Variants in PIK3R5 observed in about 807,000 individuals in gnomAD.
PIK3R5 encodes phosphoinositide 3-kinase regulatory subunit 5.
In PIK3R5, 32 loss-of-function variants were observed where a neutral mutation model predicts 94.9. That is an observed-to-expected ratio of 0.34 (90% confidence interval 0.25 to 0.45). The LOEUF is 0.45. Ranked by LOEUF, PIK3R5 falls within the 20% of genes least tolerant of loss-of-function variation. The probability of loss-of-function intolerance (pLI) is 1.00; values close to 1 mark genes in which losing one functional copy is unlikely to be tolerated. For synonymous variants in PIK3R5, 443 were observed against 479.4 expected (o/e 0.92, Z 0.99); for missense variants, 853 against 1,144.6 (o/e 0.75, Z 3.68).
rs2091055124 is a variant in PIK3R5 at position 8,935,422 on chromosome 17, G to C, written c.-13-23915C>G. Among the ~76,000 whole-genome samples, 1 of 152,120 alleles carries C rather than the reference G, an allele frequency of 6.6e-6. No homozygotes were observed. The highest frequency in any genetic ancestry group is 2.1e-4 in the South Asian group (1 of 4,830). Reference sequence around the variant, plus strand: ...ACGTCCCAGTGAGTCAGTCTTCAGAGGTGTTGAACGAGTCGTTTTTGGCCA... The same window carrying C: ...ACGTCCCAGTGAGTCAGTCTTCAGACGTGTTGAACGAGTCGTTTTTGGCCA... On this transcript the variant is annotated intron_variant, in intron 1 of 18. Transcript: ENST00000447110. This position sits in a 1 kb window ranked among gnomAD's most constrained non-coding sequence, Gnocchi z 4.5.
chr17:8,948,075 A>C (rs1486792042), intron 1 of PIK3R5, among the ~76,000 whole-genome samples: 1 of 151,154 alleles, frequency 6.6e-6, no homozygotes, highest in East Asian at 1.9e-4. Context: ...AAGAAAAGAA[A>C]AGAAAAGAAA....
At position 8,890,663 on chromosome 17, in the gene PIK3R5, C is replaced by A; in HGVS notation, c.657+75G>T. On this transcript the variant is annotated intron_variant, in intron 7 of 18. Coordinates refer to ENST00000447110, the MANE Select transcript of PIK3R5 (RefSeq NM_001142633.3). This position sits in a 1 kb window ranked among gnomAD's most constrained non-coding sequence, Gnocchi z 6.1. Reference sequence around the variant, plus strand: ...ACTAAGTGTACCCTGGAGACCGTGGCTGAGATGAAGCAGGGAGAGGGTGCT... The same window carrying A: ...ACTAAGTGTACCCTGGAGACCGTGGATGAGATGAAGCAGGGAGAGGGTGCT... 2 of 1,324,026 alleles carry A rather than the reference C, an allele frequency of 1.5e-6. No individual in the cohort carries two copies. The highest frequency in any genetic ancestry group is 1.4e-5 in the South Asian group (1 of 73,806). The allele number at this position is 1,324,026 out of a possible 1,614,324, so 82.0% of individuals were successfully genotyped here.
Position 8,950,377 on chromosome 17 carries a change from G to A in PIK3R5, c.-14+15219C>T, listed in dbSNP as rs532146488. The stretch of plus-strand genomic sequence containing the variant: ...TTATGTTAGATACAGGTGCAGGTTT[G>A]TTATATGGGTATATTGCATCCAGGT... On this transcript the variant is annotated intron_variant, in intron 1 of 18. Transcript: ENST00000447110. Among the ~76,000 whole-genome samples the A allele has an allele frequency of 5.3e-5, 8 of 152,166 alleles. No homozygotes were observed. The South Asian group carries it at 1.5e-3, about 28-fold the overall frequency.
rs2089945541 is a variant in PIK3R5, at chr17:8,888,677, G to T, written c.1110C>A (p.Ala370=). The T allele has an allele frequency of 6.2e-7, 1 of 1,613,948 alleles. No individual in the cohort carries two copies. Residue 370 remains alanine, a synonymous_variant, in exon 10 of 19, where the codon GCC becomes GCA. Transcript: ENST00000447110. The surrounding 1 kb of genome is among the most constrained non-coding windows in gnomAD (Gnocchi z 7.8). ...SLASSQASGP[A]LSRHLLTSFV... The stretch of plus-strand genomic sequence containing the variant: ...AGGAAGTCAGCAGATGGCGCGAGAG[G>T]GCCGGCCCCGAGGCCTGGGAGGATG...
At chr17:8,908,641 C>A (rs544402018) in intron 3 of PIK3R5, among the ~76,000 whole-genome samples, 2 of 151,350 alleles carry the variant, frequency 1.3e-5, no homozygotes, top group East Asian at 3.9e-4. Context: ...ATTCTGGAAC[C>A]CAAGCCCAGC....
chr17:8,886,695 A>T, intron 12 of PIK3R5, 90 bp from the exon 13 acceptor site: 1 of 1,415,538 alleles, frequency 7.1e-7, no homozygotes, highest in Non-Finnish European at 9.6e-7. Flanking sequence ...GAGAGAAGAG[A>T]GACATAGAGG....
rs933273383 is a variant in PIK3R5 at position 8,935,476 on chromosome 17, A to G, written c.-13-23969T>C. 6.6e-5 allele frequency among the ~76,000 whole-genome samples: 10 copies of G among 152,130 alleles called. No homozygotes were observed. Among genetic ancestry groups the G allele is most frequent in the Admixed American group, 3.3e-4 (5 of 15,276 alleles). The stretch of plus-strand genomic sequence containing the variant: ...ACAGTGTGGGCAGGTTGCCTGGGAG[A>G]CCTGCTTCCTTCCTTGTTTCCTCTG... On this transcript the variant is annotated intron_variant, in intron 1 of 18. Transcript: ENST00000447110. The surrounding 1 kb of genome is among the most constrained non-coding windows in gnomAD (Gnocchi z 4.5).
chr17:8,946,451 C>T (rs2091271939), intron 1 of PIK3R5, among the ~76,000 whole-genome samples: 1 of 151,784 alleles, frequency 6.6e-6, no homozygotes, highest in Non-Finnish European at 1.5e-5. Context: ...GTCTGCCAGG[C>T]ACCTAAGAAA....
At position 8,904,814 on chromosome 17, in the gene PIK3R5, C is replaced by A; in HGVS notation, c.375G>T (p.Glu125Asp). 6.2e-7 allele frequency: 1 copy of A among 1,614,188 alleles called. No individual in the cohort carries two copies. Among genetic ancestry groups the A allele is most frequent in the African/African-American group, 1.3e-5 (1 of 75,050 alleles). Residue 125 changes from glutamate (E) to aspartate (D), a missense_variant, in exon 5 of 19, where the codon GAG (glutamate) becomes GAT (aspartate). Physicochemically the swap from Glu to Asp is conservative, Grantham distance 45. This residue lies in a region of PIK3R5 where 108 missense variants were observed against 170.1 expected (regional missense o/e 0.63). Coordinates refer to ENST00000447110, the MANE Select transcript of PIK3R5 (RefSeq NM_001142633.3). The surrounding 1 kb of genome is among the most constrained non-coding windows in gnomAD (Gnocchi z 5.1). ...WPVPYCSICQELLTFIDAELK... is the reference protein window; with the variant it reads ...WPVPYCSICQDLLTFIDAELK... ...GTTCAGCATCAATGAAGGTGAGCAG[C>A]TCCTGGCAGATGCTGCAGTAAGGAA...
rs2090844438 is a variant in PIK3R5, at chr17:8,925,025, T to C, written c.-13-13518A>G. Among the ~76,000 whole-genome samples, 1 of 152,104 alleles carries C rather than the reference T, an allele frequency of 6.6e-6. No homozygotes were observed. Among genetic ancestry groups the C allele is most frequent in the Non-Finnish European group, 1.5e-5 (1 of 68,036 alleles). On this transcript the variant is annotated intron_variant, in intron 1 of 18. Transcript: ENST00000447110. This position sits in a 1 kb window ranked among gnomAD's most constrained non-coding sequence, Gnocchi z 5.1. ...GATAGTTAGATAGTAGATGGATAGA[T>C]AGATAGATAGTAGATGAATAGATAG...
rs2090047376 is a variant in PIK3R5 at position 8,892,313 on chromosome 17, G to T, written c.482+1273C>A. Among the ~76,000 whole-genome samples, 1 of 152,126 alleles carries T rather than the reference G, an allele frequency of 6.6e-6. No homozygotes were observed. The highest frequency in any genetic ancestry group is 1.5e-5 in the Non-Finnish European group (1 of 68,024). On this transcript the variant is annotated intron_variant, in intron 6 of 18. Coordinates refer to ENST00000447110, the MANE Select transcript of PIK3R5 (RefSeq NM_001142633.3). The surrounding 1 kb of genome is among the most constrained non-coding windows in gnomAD (Gnocchi z 4.3). ...AAAAGGAGGTGGGCTTGTATAAGCA[G>T]CCCCTTACAACCTTGTAACGAGCCC...
rs770194480 is a variant in PIK3R5 at position 8,881,585 on chromosome 17, G to GTAAT, written c.2382+44_2382+45insATTA. ...CACACATACGCACATGCACGCTCCA[G>GTAAT]TAAGTCTCTTGAGGGTATGGCTGGA... On this transcript the variant is annotated intron_variant, in intron 17 of 18. Transcript: ENST00000447110. The surrounding 1 kb of genome is among the most constrained non-coding windows in gnomAD (Gnocchi z 4.8). 9 of 1,512,024 alleles carry GTAAT rather than the reference G, an allele frequency of 6.0e-6. 1 individual carries two copies. The African/African-American group carries it at 1.1e-4, about 18-fold the overall frequency. The allele number at this position is 1,512,024 out of a possible 1,614,324, so 93.7% of individuals were successfully genotyped here.
intron 1 of PIK3R5, among the ~76,000 whole-genome samples, chr17:8,937,168 G>A (rs2091091797): frequency 6.6e-6 from 1 of 152,038 alleles, no homozygotes; most frequent in Non-Finnish European, 1.5e-5. Context: ...TTGATTCTTT[G>A]GGATTTTATA....
In PIK3R5 at chr17:8,935,579, C is replaced by T. The variant is rs1340463009; in HGVS notation, c.-13-24072G>A. Among the ~76,000 whole-genome samples, 1 of 152,156 alleles carries T rather than the reference C, an allele frequency of 6.6e-6. No individual in the cohort carries two copies. Among genetic ancestry groups the T allele is most frequent in the African/African-American group, 2.4e-5 (1 of 41,430 alleles). On this transcript the variant is annotated intron_variant, in intron 1 of 18. Coordinates refer to ENST00000447110, the MANE Select transcript of PIK3R5 (RefSeq NM_001142633.3). The surrounding 1 kb of genome is among the most constrained non-coding windows in gnomAD (Gnocchi z 4.5). ...TTCCTAAGACCTCAGAGTACAAATA[C>T]AGGATAATTTATATTTCTATTAATT...
intron 1 of PIK3R5, among the ~76,000 whole-genome samples, chr17:8,961,874 C>T (rs1020932425): frequency 6.6e-6 from 1 of 152,164 alleles, no homozygotes; most frequent in Non-Finnish European, 1.5e-5. Context: ...CCCCCAACCC[C>T]CTTTTGGGTG....
At position 8,881,617 on chromosome 17, in the gene PIK3R5, G is replaced by A. The variant is rs751182650; in HGVS notation, c.2382+13C>T. On this transcript the variant is annotated intron_variant, in intron 17 of 18. Transcript: ENST00000447110. The surrounding 1 kb of genome is among the most constrained non-coding windows in gnomAD (Gnocchi z 4.8). ...TCTTGAGGGTATGGCTGGAAGGAGA[G>A]GGAAGCCCGTACCTGGTTAAAGCCC... 9 of 1,604,504 alleles carry A rather than the reference G, an allele frequency of 5.6e-6. No homozygotes were observed. Among genetic ancestry groups the A allele is most frequent in the Non-Finnish European group, 6.0e-6 (7 of 1,173,888 alleles).
In PIK3R5 at chr17:8,890,527, G is replaced by C. The variant is rs1348582136; in HGVS notation, c.657+211C>G. Among the ~76,000 whole-genome samples the C allele has an allele frequency of 6.6e-6, 1 of 152,208 alleles. No individual in the cohort carries two copies. Among genetic ancestry groups the C allele is most frequent in the African/African-American group, 2.4e-5 (1 of 41,446 alleles). ...CTGAGGCACCAGTTATCAGCACCCAGTCCTACTGCCCAGGCTGCCACCCAG... is the reference window on the plus strand; with the variant it reads ...CTGAGGCACCAGTTATCAGCACCCACTCCTACTGCCCAGGCTGCCACCCAG... On this transcript the variant is annotated intron_variant, in intron 7 of 18. Coordinates refer to ENST00000447110, the MANE Select transcript of PIK3R5 (RefSeq NM_001142633.3). The surrounding 1 kb of genome is among the most constrained non-coding windows in gnomAD (Gnocchi z 6.1).
Position 8,962,188 on chromosome 17 carries a change from G to A in PIK3R5, c.-14+3408C>T, listed in dbSNP as rs2091578481. Among the ~76,000 whole-genome samples the A allele has an allele frequency of 3.9e-5, 6 of 152,300 alleles. No homozygotes were observed. The South Asian group carries it at 1.2e-3, about 32-fold the overall frequency. ...CATATGTGAAATGGGGGCAATAATT[G>A]TAGCTACCTCAGAGTGTGACTGTGA... On this transcript the variant is annotated intron_variant, in intron 1 of 18. Coordinates refer to ENST00000447110, the MANE Select transcript of PIK3R5 (RefSeq NM_001142633.3).
At chr17:8,901,214 C>T (rs966965845) in intron 5 of PIK3R5, among the ~76,000 whole-genome samples, 1 of 152,076 alleles carries the variant, frequency 6.6e-6, no homozygotes, top group African/African-American at 2.4e-5. Flanking sequence ...TGTTCCTTTC[C>T]TTGGGAAGCT....
Sources: allele counts gnomAD v4.1 joint callset (sites outside exome capture counted in the v4.1 genomes callset), GRCh38; gene constraint gnomAD v4.1.1; regional missense constraint gnomAD v4.1.1; non-coding constraint Gnocchi (gnomAD v3.1); transcripts MANE v1.5; gene names NCBI Gene and HGNC (gene_info 2026-07-23, HGNC 2026-07-21).